The following RAPH1 variants were observed in gnomAD, a reference collection of about 807,000 sequenced individuals.
The protein encoded by RAPH1 is Ras association (RalGDS/AF-6) and pleckstrin homology domains 1.
Under a neutral mutation model 88.1 loss-of-function variants are expected in RAPH1, and 18 were observed. The ratio of observed to expected loss-of-function variants is 0.20; its 90% CI spans 0.14 to 0.30. RAPH1 has a LOEUF of 0.30. RAPH1 is among the 10% of genes least tolerant of loss of function. The probability of loss-of-function intolerance (pLI) is 1.00; values close to 1 mark genes in which losing one functional copy is unlikely to be tolerated. For missense variants in RAPH1, 1,448 were observed against 1,543.2 expected, an observed-to-expected ratio of 0.94 and a Z score of 1.03; for synonymous variants, 587 against 559.0, an observed-to-expected ratio of 1.05 and a Z score of -0.71.
At position 203,448,977 on chromosome 2, in the gene RAPH1, A is replaced by C; in HGVS notation, c.1414-141T>G. ...ACATTTATGCTTCTTATATGGCCAT[A>C]AGGCCAAATAAAGTAGCCCATAAGA... On this transcript the variant is annotated intron_variant, in intron 10 of 13. Coordinates refer to ENST00000319170, the MANE Select transcript of RAPH1 (RefSeq NM_213589.3). The surrounding 1 kb of genome is among the most constrained non-coding windows in gnomAD (Gnocchi z 4.1). 1 of 426,910 alleles carries C rather than the reference A, an allele frequency of 2.3e-6. No individual in the cohort carries two copies. The highest frequency in any genetic ancestry group is 4.1e-6 in the Non-Finnish European group (1 of 244,666). The allele number at this position is 426,910 out of a possible 1,614,324, so 26.4% of individuals were successfully genotyped here.
chr2:203,439,221 C>T lies in RAPH1; in HGVS notation c.*216G>A, dbSNP rs2098500951. The T allele has an allele frequency of 2.0e-6, 1 of 502,088 alleles. No homozygotes were observed. The highest frequency in any genetic ancestry group is 1.9e-5 in the African/African-American group (1 of 52,848). The allele number at this position is 502,088 out of a possible 1,614,324, so 31.1% of individuals were successfully genotyped here. A position where few individuals can be genotyped will look rare whatever the true frequency, so the allele number is the denominator to read the frequency against. ...TAAATAGAATAACTCTCAGCTCTCT[C>T]TCTATATACACATACACATACATAT... On this transcript the variant is annotated 3_prime_UTR_variant, in exon 14 of 14. Coordinates refer to ENST00000319170, the MANE Select transcript of RAPH1 (RefSeq NM_213589.3).
chr2:203,517,325 T>C lies in RAPH1; in HGVS notation c.-1+17786A>G, dbSNP rs1294311703. Among the ~76,000 whole-genome samples the C allele has an allele frequency of 3.0e-5, 4 of 131,400 alleles. No homozygotes were observed. The East Asian group carries it at 8.7e-4, about 29-fold the overall frequency. 86.2% of individuals were successfully genotyped at this position (131,400 alleles called of 152,430 possible). ...GATGACATTACATCCTGAATGCATA[T>C]GTGCCTAACAACAGAGCATCAAACT... On this transcript the variant is annotated intron_variant, in intron 1 of 13. Transcript: ENST00000319170.
chr2:203,522,895 C>CAA (rs59862473), intron 1 of RAPH1, among the ~76,000 whole-genome samples: 16 of 85,754 alleles, frequency 1.9e-4, no homozygotes, highest in African/African-American at 4.1e-4. Flanking sequence ...GACTCTGTCT[C>CAA]AAAAAAAAAA....
intron 10 of RAPH1, among the ~76,000 whole-genome samples, chr2:203,453,184 C>T (rs1282559256): frequency 4.6e-5 from 7 of 152,142 alleles, no homozygotes. Flanking sequence ...TTTTAAAAAA[C>T]TATTTGCACC....
At chr2:203,485,482 T>C (rs556368245) in intron 4 of RAPH1, among the ~76,000 whole-genome samples, 8 of 151,922 alleles carry the variant, frequency 5.3e-5, no homozygotes, top group African/African-American at 1.7e-4. Context: ...CATAGGCTAA[T>C]TTATTCATTC....
Position 203,441,036 on chromosome 2 carries a change from G to GGGTGGA in RAPH1, c.2148_2153dup (p.Pro718_Pro719dup), listed in dbSNP as rs2098503321. 1 of 1,504,480 alleles carries GGGTGGA rather than the reference G, an allele frequency of 6.6e-7. No homozygotes were observed. Among genetic ancestry groups the GGGTGGA allele is most frequent in the African/African-American group, 1.4e-5 (1 of 72,086 alleles). 93.2% of individuals were successfully genotyped at this position (1,504,480 alleles called of 1,614,324 possible). ...GGGCCATGGCAGAGCCTGGGGTTGGGGGTGGAGGAGGGGGAGGGGGTGGTG... is the reference window on the plus strand; with the variant it reads ...GGGCCATGGCAGAGCCTGGGGTTGGGGGTGGAGGTGGAGGAGGGGGAGGGGGTGGTG... On this transcript the variant is annotated inframe_insertion, in exon 14 of 14. Transcript: ENST00000319170.
At chr2:203,486,925 C>A (rs778679764) in intron 4 of RAPH1, among the ~76,000 whole-genome samples, 1 of 152,154 alleles carries the variant, frequency 6.6e-6, no homozygotes, top group South Asian at 2.1e-4. Context: ...GGTTTACTCA[C>A]CAAACCTTAC....
intron 13 of RAPH1, chr2:203,442,020 C>T (rs2098504708): frequency 6.4e-7 from 1 of 1,559,236 alleles, no homozygotes; most frequent in Admixed American, 2.0e-5. Context: ...ACAATTGCAT[C>T]CAACATGCAC....
intron 4 of RAPH1, among the ~76,000 whole-genome samples, chr2:203,481,839 C>T (rs2600719): frequency 0.99 from 148,988 of 150,290 alleles, 73,863 homozygotes; most frequent in Middle Eastern, 1. Context: ...TGACTTCAAA[C>T]GATCCGCCCA....
chr2:203,492,233 CAAA>C (rs547450219), intron 2 of RAPH1, among the ~76,000 whole-genome samples: 2 of 133,538 alleles, frequency 1.5e-5, no homozygotes, highest in Admixed American at 7.7e-5. Context: ...GACTCAATCT[CAAA>C]AAAAAAAAAA....
rs1226083632 is a variant in RAPH1, at chr2:203,435,874, C to T, written c.*3563G>A. The T allele has an allele frequency of 2.6e-5, 4 of 152,160 alleles. No homozygotes were observed. Among genetic ancestry groups the T allele is most frequent in the Non-Finnish European group, 5.9e-5 (4 of 68,024 alleles). 9.4% of individuals were successfully genotyped at this position (152,160 alleles called of 1,614,324 possible). On this transcript the variant is annotated 3_prime_UTR_variant, in exon 14 of 14. Coordinates refer to ENST00000319170, the MANE Select transcript of RAPH1 (RefSeq NM_213589.3). Reference sequence around the variant, plus strand: ...GGCTGAGAGTCAAAGCAGGCCAATCCACACCATTACCTGAAATATTTTTCA... The same window carrying T: ...GGCTGAGAGTCAAAGCAGGCCAATCTACACCATTACCTGAAATATTTTTCA...
intron 1 of RAPH1, among the ~76,000 whole-genome samples, chr2:203,522,895 C>CAAAAAAAAAAAAAAAAAAAAAAAAAA (rs59862473): frequency 1.2e-5 from 1 of 85,842 alleles, no homozygotes; most frequent in African/African-American, 4.5e-5. Context: ...GACTCTGTCT[C>CAAAAAAAAAAAAAAAAAAAAAAAAAA]AAAAAAAAAA....
At chr2:203,454,296 C>A in intron 10 of RAPH1, 134 bp downstream of exon 10, 1 of 611,960 alleles carries the variant, frequency 1.6e-6, no homozygotes, top group South Asian at 2.6e-5. Flanking sequence ...TACCACACTT[C>A]ACCATTCCTT....
At chr2:203,512,347 C>A (rs1581391690) in intron 1 of RAPH1, among the ~76,000 whole-genome samples, 2 of 137,428 alleles carry the variant, frequency 1.5e-5, no homozygotes, top group African/African-American at 5.7e-5. Context: ...CAGAGTGAGA[C>A]TCTGTCTCAA....
chr2:203,520,307 G>A (rs915419837), intron 1 of RAPH1, among the ~76,000 whole-genome samples: 18 of 146,416 alleles, frequency 1.2e-4, no homozygotes, highest in African/African-American at 4.6e-4. Flanking sequence ...ACTCCAGCCT[G>A]GGTGACAAAG....
intron 3 of RAPH1, among the ~76,000 whole-genome samples, chr2:203,490,653 T>C (rs1168251547): frequency 6.6e-6 from 1 of 152,210 alleles, no homozygotes; most frequent in Non-Finnish European, 1.5e-5. Flanking sequence ...ATGTACTTTG[T>C]CAATTATTAA....
Position 203,461,828 on chromosome 2 carries a change from G to T in RAPH1, c.810+20C>A. 1 of 1,569,738 alleles carries T rather than the reference G, an allele frequency of 6.4e-7. No individual in the cohort carries two copies. The highest frequency in any genetic ancestry group is 8.6e-7 in the Non-Finnish European group (1 of 1,158,108). On this transcript the variant is annotated intron_variant, in intron 5 of 13. Coordinates refer to ENST00000319170, the MANE Select transcript of RAPH1 (RefSeq NM_213589.3). ...AAACTGATAAAAAAATCCCAAACCA[G>T]GAAGAGGCCCACATATCACCTTTTT... is the stretch of plus-strand genomic sequence containing the variant.
chr2:203,527,515 T>C (rs1419451617), intron 1 of RAPH1, among the ~76,000 whole-genome samples: 8 of 152,076 alleles, frequency 5.3e-5, no homozygotes, highest in Admixed American at 4.6e-4. Flanking sequence ...AAACGTTTTA[T>C]GTGCTGGCCG....
Position 203,434,822 on chromosome 2 carries a change from C to G in RAPH1, c.*4615G>C, listed in dbSNP as rs1432411528. ...TAAAATATGTAGTGTTCACCATCAC[C>G]CTGACTCAATTCACTTCTCTAAATG... On this transcript the variant is annotated 3_prime_UTR_variant, in exon 14 of 14. Transcript: ENST00000319170. The G allele has an allele frequency of 3.3e-5, 5 of 152,510 alleles. No homozygotes were observed. Among genetic ancestry groups the G allele is most frequent in the Non-Finnish European group, 7.4e-5 (5 of 68,020 alleles). The allele number at this position is 152,510 out of a possible 1,614,324, so 9.4% of individuals were successfully genotyped here. A position where few individuals can be genotyped will look rare whatever the true frequency, so the allele number is the denominator to read the frequency against.
Sources: allele counts gnomAD v4.1 joint callset (sites outside exome capture counted in the v4.1 genomes callset), GRCh38; gene constraint gnomAD v4.1.1; non-coding constraint Gnocchi (gnomAD v3.1); transcripts MANE v1.5; gene names NCBI Gene and HGNC (gene_info 2026-07-23, HGNC 2026-07-21).